TOMM70: variants seen among roughly 807,000 people sequenced by gnomAD.
The protein encoded by TOMM70 is mitochondrial import receptor subunit TOM70.
In TOMM70, 13 loss-of-function variants were observed where a neutral mutation model predicts 73.6. That is an observed-to-expected ratio of 0.18 (90% confidence interval 0.11 to 0.28). TOMM70 has a LOEUF of 0.28. TOMM70 is among the 10% of genes least tolerant of loss of function. The probability of loss-of-function intolerance (pLI) is 1.00; values close to 1 mark genes in which losing one functional copy is unlikely to be tolerated. For missense variants in TOMM70, 609 were observed against 747.5 expected, an observed-to-expected ratio of 0.81 and a Z score of 2.16; for synonymous variants, 257 against 271.2, an observed-to-expected ratio of 0.95 and a Z score of 0.51.
chr3:100,377,999 C>T, intron 5 of TOMM70, 87 bp from the exon 6 acceptor site: 1 of 1,214,540 alleles, frequency 8.2e-7, no homozygotes, highest in African/African-American at 1.5e-5. Flanking sequence ...GTAATCCCAG[C>T]ACTTTGGGAG....
chr3:100,367,925 T>C, intron 11 of TOMM70, 119 bp downstream of exon 11: 2 of 1,107,450 alleles, frequency 1.8e-6, no homozygotes, highest in Non-Finnish European at 2.4e-6. Context: ...TTTTCCAACG[T>C]GAATAATACA....
chr3:100,400,171 AC>A (rs983160196), intron 1 of TOMM70, among the ~76,000 whole-genome samples: 7 of 151,932 alleles, frequency 4.6e-5, no homozygotes, highest in African/African-American at 1.5e-4. Flanking sequence ...TTGCCCACTT[AC>A]CCCCAGCAAA....
rs1334933609 is a variant in TOMM70, at chr3:100,373,616, T to G, written c.1257A>C (p.Glu419Asp). Residue 419 changes from glutamate (E) to aspartate (D), a missense_variant, in exon 8 of 12, where the codon GAA becomes GAC. This residue lies in a region of TOMM70 where 432 missense variants were observed against 584.1 expected (regional missense o/e 0.74). Coordinates refer to ENST00000284320, the MANE Select transcript of TOMM70 (RefSeq NM_014820.5). ...TACATTCATCAAAATCTGCCACTGCTTCTTCAACTTGATCAAGGAGTATTT... is the reference window on the plus strand; with the variant it reads ...TACATTCATCAAAATCTGCCACTGCGTCTTCAACTTGATCAAGGAGTATTT... ...QLKILLDQVE[E>D]AVADFDECIR... The G allele has an allele frequency of 6.2e-7, 1 of 1,613,120 alleles. No individual in the cohort carries two copies. The highest frequency in any genetic ancestry group is 1.7e-5 in the Admixed American group (1 of 59,906).
intron 4 of TOMM70, among the ~76,000 whole-genome samples, chr3:100,383,401 T>C (rs994360284): frequency 6.6e-6 from 1 of 151,892 alleles, no homozygotes; most frequent in Non-Finnish European, 1.5e-5. Flanking sequence ...TGCATGCCTG[T>C]AGTCCCAGCT....
rs1706889118 is a variant in TOMM70 at position 100,400,745 on chromosome 3, T to G, written c.205A>C (p.Arg69=). The G allele has an allele frequency of 1.9e-6, 3 of 1,601,392 alleles. No individual in the cohort carries two copies. The East Asian group carries it at 6.7e-5, about 36-fold the overall frequency. ...WSRQQRRREA[R]GRGDASGLKR... ...AGGCCGCTGGCGTCGCCCCGGCCTCTGGCCTCCCGGCGCCGTTGCTGCCGA... is the reference window on the plus strand; with the variant it reads ...AGGCCGCTGGCGTCGCCCCGGCCTCGGGCCTCCCGGCGCCGTTGCTGCCGA... Residue 69 remains arginine, a synonymous_variant, in exon 1 of 12, where the codon AGA becomes CGA. Coordinates refer to ENST00000284320, the MANE Select transcript of TOMM70 (RefSeq NM_014820.5).
chr3:100,377,426 T>A (rs1369461033), intron 6 of TOMM70: 2 of 355,482 alleles, frequency 5.6e-6, no homozygotes, highest in African/African-American at 4.1e-5. Context: ...ACTGCCCAAA[T>A]ACAGTCCAAT....
At position 100,386,791 on chromosome 3, in the gene TOMM70, C is replaced by T; in HGVS notation, c.498+14G>A. On this transcript the variant is annotated intron_variant, in intron 2 of 11. Transcript: ENST00000284320. ...GAAAGAAAAGGAACAGAAGAAACAA[C>T]CTAGAGTACATACCAACTGTTCAAA... 6.2e-7 allele frequency: 1 copy of T among 1,610,462 alleles called. No homozygotes were observed. Among genetic ancestry groups the T allele is most frequent in the Non-Finnish European group, 8.5e-7 (1 of 1,179,120 alleles).
intron 7 of TOMM70, 147 bp downstream of exon 7, chr3:100,374,871 A>C: frequency 1.1e-6 from 1 of 898,922 alleles, no homozygotes; most frequent in East Asian, 3.2e-5. Flanking sequence ...AACAAAGGCC[A>C]ATTCAAACTG....
chr3:100,377,092 G>C (rs961649917), intron 6 of TOMM70, among the ~76,000 whole-genome samples: 9 of 152,144 alleles, frequency 5.9e-5, no homozygotes, highest in African/African-American at 2.2e-4. Context: ...TGAGGAAACA[G>C]GTCACAGAGA....
At position 100,369,076 on chromosome 3, in the gene TOMM70, A is replaced by C; in HGVS notation, c.1512T>G (p.Asp504Glu). ...KADEMYDKCI[D>E]LEPDNATTYV... ...ATGTTGTAGCATTATCTGGTTCCAA[A>C]TCAATACATTTATCATACATTTCAT... Residue 504 changes from aspartate (D) to glutamate (E), a missense_variant, in exon 10 of 12, where the codon GAT (aspartate) becomes GAG (glutamate). By Grantham distance (45) the Asp-to-Glu change is conservative. Transcript: ENST00000284320. 1 of 1,613,470 alleles carries C rather than the reference A, an allele frequency of 6.2e-7. No individual in the cohort carries two copies. The highest frequency in any genetic ancestry group is 8.5e-7 in the Non-Finnish European group (1 of 1,179,636).
chr3:100,368,881 C>A (rs1706478300), intron 10 of TOMM70, among the ~76,000 whole-genome samples, 157 bp downstream of exon 10: 1 of 152,116 alleles, frequency 6.6e-6, no homozygotes, highest in Non-Finnish European at 1.5e-5. Flanking sequence ...GCCTCCTTAA[C>A]TAATTTCTGT....
At chr3:100,386,773 A>G in intron 2 of TOMM70, 32 bp downstream of exon 2, 1 of 1,586,696 alleles carries the variant, frequency 6.3e-7, no homozygotes, top group Non-Finnish European at 8.5e-7. Context: ...AGAGAAAGAA[A>G]AGGAACAGAA....
At position 100,365,372 on chromosome 3, in the gene TOMM70, C is replaced by T. The variant is rs1192355173; in HGVS notation, c.*192G>A. 4 of 660,950 alleles carry T rather than the reference C, an allele frequency of 6.1e-6. No homozygotes were observed. The East Asian group carries it at 1.1e-4, about 19-fold the overall frequency. The allele number at this position is 660,950 out of a possible 1,614,324, so 40.9% of individuals were successfully genotyped here. A position where few individuals can be genotyped will look rare whatever the true frequency, so the allele number is the denominator to read the frequency against. On this transcript the variant is annotated 3_prime_UTR_variant, in exon 12 of 12. Transcript: ENST00000284320. ...TCTTTTGTTGCACAGGGAATAAAAG[C>T]TGCAAGACTGCAAACTTCCTTCAAC...
chr3:100,376,369 G>GTTTTTTTT lies in TOMM70; in HGVS notation c.1093-1225_1093-1218dup, dbSNP rs141227349. Among the ~76,000 whole-genome samples, 1,701 of 121,662 alleles carry GTTTTTTTT rather than the reference G, an allele frequency of 0.014. 254 individuals are homozygous for GTTTTTTTT. In the East Asian group the frequency reaches 0.29, roughly 21 times the overall value. The allele number at this position is 121,662 out of a possible 152,430, so 79.8% of individuals were successfully genotyped here. On this transcript the variant is annotated intron_variant, in intron 6 of 11. Transcript: ENST00000284320. ...CTTGATGGTGTCTTTTCACACAGAA[G>GTTTTTTTT]TTTTTTTTTTTTTTTGAGACAGGAT...
chr3:100,397,792 G>A (rs1353079913), intron 1 of TOMM70, among the ~76,000 whole-genome samples: 1 of 152,114 alleles, frequency 6.6e-6, no homozygotes, highest in Non-Finnish European at 1.5e-5. Flanking sequence ...GGGAGGCTGA[G>A]GCAGGACAAT....
chr3:100,367,976 G>T, intron 11 of TOMM70, 68 bp downstream of exon 11: 3 of 1,484,610 alleles, frequency 2.0e-6, no homozygotes, highest in South Asian at 2.5e-5. Flanking sequence ...TAACATGTAC[G>T]TAATAAGAAC....
In TOMM70 at chr3:100,377,661, C is replaced by T. The variant is rs148872267; in HGVS notation, c.1092+44G>A. ...TCTGGCAAAACATAATGAAAGGCATCGCCTTCTATTTAATAATTTCTTCAC... is the reference window on the plus strand; with the variant it reads ...TCTGGCAAAACATAATGAAAGGCATTGCCTTCTATTTAATAATTTCTTCAC... On this transcript the variant is annotated intron_variant, in intron 6 of 11. Transcript: ENST00000284320. 200 of 1,563,118 alleles carry T rather than the reference C, an allele frequency of 1.3e-4. 1 individual carries two copies. In the African/African-American group the frequency reaches 1.7e-3, roughly 13 times the overall value.
chr3:100,396,677 T>A (rs1706830550), intron 1 of TOMM70, among the ~76,000 whole-genome samples: 1 of 152,128 alleles, frequency 6.6e-6, no homozygotes, highest in Non-Finnish European at 1.5e-5. Flanking sequence ...TTCTTCAAGT[T>A]TAAAAAAATT....
At chr3:100,395,542 C>CAAAAAA (rs59048767) in intron 1 of TOMM70, among the ~76,000 whole-genome samples, 1 of 81,068 alleles carries the variant, frequency 1.2e-5, no homozygotes. Flanking sequence ...GACTCCAACT[C>CAAAAAA]AAAAAAAAAA....
Sources: gnomAD v4.1 joint callset for allele counts (sites outside exome capture counted in the v4.1 genomes callset) on GRCh38, gnomAD v4.1.1 for gene constraint, gnomAD v4.1.1 regional missense constraint, MANE v1.5 for transcripts, NCBI Gene and HGNC (gene_info 2026-07-23, HGNC 2026-07-21) for gene names.